Variants in CFAP61 observed in about 807,000 individuals in gnomAD.
CFAP61 encodes cilia- and flagella-associated protein 61.
A neutral mutation model predicts 135.6 loss-of-function variants in CFAP61; 107 were observed. The ratio of observed to expected loss-of-function variants is 0.79; its 90% confidence interval spans 0.67 to 0.93. CFAP61 has a LOEUF of 0.93. Among genes scored for constraint, CFAP61 ranks in the 40% least tolerant of loss-of-function variants. CFAP61 has a pLI of 0.00. For missense variants in CFAP61, 1,507 were observed against 1,556.2 expected (o/e 0.97, Z 0.53); for synonymous variants, 575 against 578.5 (o/e 0.99, Z 0.09).
At position 20,075,185 on chromosome 20, in the gene CFAP61, C is replaced by T. The variant is rs1193502127; in HGVS notation, c.372-4C>T. The T allele has an allele frequency of 3.7e-6, 6 of 1,613,978 alleles. No homozygotes were observed. The highest frequency in any genetic ancestry group is 1.1e-5 in the South Asian group (1 of 91,074). On this transcript the variant is annotated splice_region_variant and splice_polypyrimidine_tract_variant and intron_variant, in intron 4 of 26. Transcript: ENST00000245957. Reference sequence around the variant, plus strand: ...CACTGCCCCACCCTCTCTTTCCTCACCAGAACCGTGTATAAGGCAGTGCCA... The same window carrying T: ...CACTGCCCCACCCTCTCTTTCCTCATCAGAACCGTGTATAAGGCAGTGCCA...
At chr20:20,157,793 CT>C (rs2053057912) in intron 9 of CFAP61, among the ~76,000 whole-genome samples, 1 of 152,016 alleles carries the variant, frequency 6.6e-6, no homozygotes, top group Non-Finnish European at 1.5e-5. Context: ...AATTTAAAAC[CT>C]TTTCTTTTTG....
chr20:20,087,613 A>G (rs1207267935), intron 6 of CFAP61, among the ~76,000 whole-genome samples: 1 of 151,624 alleles, frequency 6.6e-6, no homozygotes. Flanking sequence ...AAGCTTCTGT[A>G]GTAAGAAACT....
In CFAP61 at chr20:20,199,776, C is replaced by A; in HGVS notation, c.1806C>A (p.Asn602Lys). 6.2e-7 allele frequency: 1 copy of A among 1,614,156 alleles called. No homozygotes were observed. The highest frequency in any genetic ancestry group is 8.5e-7 in the Non-Finnish European group (1 of 1,180,012). ...AGATTGCTGTCTTTCAGTTCCAGAA[C>A]CCCTACGCCCACTCCCTGACATCTG... Reference protein sequence around the residue: ...YPKSREGKFQNPYAHSLTSAL... With the variant: ...YPKSREGKFQKPYAHSLTSAL... Residue 602 changes from asparagine (N) to lysine (K), a missense_variant, in exon 17 of 27, where the codon AAC becomes AAA. Coordinates refer to ENST00000245957, the MANE Select transcript of CFAP61 (RefSeq NM_015585.4).
At chr20:20,118,021 C>G (rs1168713209) in intron 8 of CFAP61, among the ~76,000 whole-genome samples, 1 of 152,050 alleles carries the variant, frequency 6.6e-6, no homozygotes, top group Non-Finnish European at 1.5e-5. Context: ...TATAAGATCA[C>G]GTTGTCTGTG....
At chr20:20,330,042 G>C (rs924462286) in intron 25 of CFAP61, among the ~76,000 whole-genome samples, 3 of 152,188 alleles carry the variant, frequency 2.0e-5, no homozygotes, top group African/African-American at 7.2e-5. Flanking sequence ...GCGGTCAACA[G>C]ACTCACTTTC....
intron 17 of CFAP61, among the ~76,000 whole-genome samples, chr20:20,219,303 G>A (rs6081926): frequency 0.11 from 16,911 of 152,150 alleles, 1,273 homozygotes; most frequent in Middle Eastern, 0.21. Context: ...TTTGTTCTTT[G>A]ACTCTAGAAT....
intron 26 of CFAP61, among the ~76,000 whole-genome samples, chr20:20,353,216 T>C (rs775591419): frequency 6.6e-6 from 1 of 152,174 alleles, no homozygotes; most frequent in Admixed American, 6.5e-5. Flanking sequence ...CTGTGTGCAT[T>C]GTGGGTTTTC....
At chr20:20,092,431 A>C (rs999619967) in intron 7 of CFAP61, among the ~76,000 whole-genome samples, 1 of 152,208 alleles carries the variant, frequency 6.6e-6, no homozygotes, top group African/African-American at 2.4e-5. Flanking sequence ...TTAAAACTGT[A>C]AGAGCTGTTT....
In CFAP61 at chr20:20,055,961, A is replaced by T. The variant is rs1412016625; in HGVS notation, c.-36-657A>T. ...TTTGTGACCTACTGTTTTTGTCAAC[A>T]GCATTTCCCAAAGTGTCCTTCTGGA... On this transcript the variant is annotated intron_variant, in intron 1 of 26. Transcript: ENST00000245957. 2.5e-6 allele frequency: 4 copies of T among 1,610,862 alleles called. No homozygotes were observed. The Admixed American group carries it at 6.8e-5, about 27-fold the overall frequency.
rs10651068 is a variant in CFAP61 at position 20,098,607 on chromosome 20, CAAAAAAAAA to C, written c.700-37_700-29del. ...TGGGTGACAGAGCGAGACTTTGTCTCAAAAAAAAAAAAAAAAAAAGAATAATGAGGTGTT... is the reference window on the plus strand; with the variant it reads ...TGGGTGACAGAGCGAGACTTTGTCTCAAAAAAAAAAGAATAATGAGGTGTT... On this transcript the variant is annotated intron_variant, in intron 7 of 26. Transcript: ENST00000245957. The C allele has an allele frequency of 7.5e-5, 89 of 1,193,174 alleles. 1 individual carries two copies. Among genetic ancestry groups the C allele is most frequent in the Non-Finnish European group, 9.0e-5 (84 of 929,264 alleles). The allele number at this position is 1,193,174 out of a possible 1,614,324, so 73.9% of individuals were successfully genotyped here.
chr20:20,172,783 CAT>C (rs1245297160), intron 13 of CFAP61, among the ~76,000 whole-genome samples: 1 of 152,218 alleles, frequency 6.6e-6, no homozygotes, highest in Non-Finnish European at 1.5e-5. Context: ...CCACCACTGA[CAT>C]ATCATTATCA....
intron 19 of CFAP61, among the ~76,000 whole-genome samples, chr20:20,250,647 G>A (rs1469056219): frequency 6.6e-6 from 1 of 152,076 alleles, no homozygotes; most frequent in Non-Finnish European, 1.5e-5. Flanking sequence ...AGAGAAAAAA[G>A]GAAGAAAAGA....
rs537112541 is a variant in CFAP61, at chr20:20,073,519, C to A, written c.295-783C>A. The stretch of plus-strand genomic sequence containing the variant: ...ACCTGTGCTGTCCTGATATAGGTAC[C>A]AGCACCACCCTCACCAGTCAGCCAG... On this transcript the variant is annotated intron_variant, in intron 3 of 26. Coordinates refer to ENST00000245957, the MANE Select transcript of CFAP61 (RefSeq NM_015585.4). 5.8e-4 allele frequency among the ~76,000 whole-genome samples: 89 copies of A among 152,286 alleles called. No individual in the cohort carries two copies. In the South Asian group the frequency reaches 0.018, roughly 31 times the overall value.
chr20:20,320,375 A>ATATGTAATATATAT, intron 25 of CFAP61, among the ~76,000 whole-genome samples: 1 of 14,452 alleles, frequency 6.9e-5, no homozygotes, highest in South Asian at 2.3e-3. Context: ...AATATATATT[A>ATATGTAATATATAT]TATATATGTA....
At chr20:20,156,574 A>T (rs543461371) in intron 9 of CFAP61, among the ~76,000 whole-genome samples, 1 of 152,302 alleles carries the variant, frequency 6.6e-6, no homozygotes, top group Admixed American at 6.5e-5. Flanking sequence ...ATCCAGATTA[A>T]AAAGGAATAA....
At position 20,121,667 on chromosome 20, in the gene CFAP61, G is replaced by C. The variant is rs186776785; in HGVS notation, c.860-21190G>C. On this transcript the variant is annotated intron_variant, in intron 8 of 26. Transcript: ENST00000245957. ...ATGCCCCTGTGCCCAGCTAATTTTT[G>C]TATTTTAGTTGAGATGGTGTTTCGC... is the stretch of plus-strand genomic sequence containing the variant. Among the ~76,000 whole-genome samples, 44 of 152,010 alleles carry C rather than the reference G, an allele frequency of 2.9e-4. No homozygotes were observed. The East Asian group carries it at 8.6e-3, about 30-fold the overall frequency.
chr20:20,236,809 A>C (rs975557504), intron 18 of CFAP61, among the ~76,000 whole-genome samples: 1 of 152,218 alleles, frequency 6.6e-6, no homozygotes, highest in Non-Finnish European at 1.5e-5. Context: ...TTAAGGAACA[A>C]ATTGATTTGT....
intron 21 of CFAP61, among the ~76,000 whole-genome samples, chr20:20,271,745 C>G (rs2053374108): frequency 6.6e-6 from 1 of 152,198 alleles, no homozygotes; most frequent in East Asian, 1.9e-4. Flanking sequence ...GGAATCCACC[C>G]AGAGTGTTCT....
intron 8 of CFAP61, among the ~76,000 whole-genome samples, chr20:20,129,753 T>A (rs1259361459): frequency 4.6e-5 from 7 of 151,544 alleles, no homozygotes; most frequent in African/African-American, 1.7e-4. Flanking sequence ...TTCTTTTCTC[T>A]TTTTTGTCCT....
Sources: allele counts gnomAD v4.1 joint callset (sites outside exome capture counted in the v4.1 genomes callset), GRCh38; gene constraint gnomAD v4.1.1; transcripts MANE v1.5; gene names NCBI Gene and HGNC (gene_info 2026-07-23, HGNC 2026-07-21).